Variants in LRGUK observed in about 807,000 individuals in gnomAD.
LRGUK encodes leucine-rich repeat and guanylate kinase domain-containing protein.
In LRGUK, 65 loss-of-function variants were observed where a neutral mutation model predicts 76.0. That is an observed-to-expected ratio of 0.85 (90% CI 0.70 to 1.05). The LOEUF (loss-of-function observed/expected upper bound fraction) is 1.05. LRGUK is among the 50% of genes least tolerant of loss of function. The pLI is 0.00. For synonymous variants in LRGUK, 268 were observed against 265.6 expected (o/e 1.01, Z -0.09); for missense variants, 758 against 732.8 (o/e 1.03, Z -0.40).
At position 134,237,819 on chromosome 7, in the gene LRGUK, A is replaced by G. The variant is rs924825554; in HGVS notation, c.1984-9737A>G. Among the ~76,000 whole-genome samples the G allele has an allele frequency of 5.9e-5, 9 of 152,270 alleles. No homozygotes were observed. The East Asian group carries it at 1.5e-3, about 26-fold the overall frequency. On this transcript the variant is annotated intron_variant, in intron 16 of 19. Coordinates refer to the LRGUK transcript ENST00000285928. ...AAATTCAGTTAGTATTTCCAATTCA[A>G]ATTCAGGACTTTCAAGATTTTTACT...
At chr7:134,142,586 C>G in intron 3 of LRGUK, among the ~76,000 whole-genome samples, 1 of 149,764 alleles carries the variant, frequency 6.7e-6, no homozygotes, top group East Asian at 2.1e-4. Flanking sequence ...CCAACTGAAA[C>G]AAAATTTAAT....
At chr7:134,268,998 T>G (rs1259891869), downstream of LRGUK, among the ~76,000 whole-genome samples, 1 of 152,000 alleles carries the variant, frequency 6.6e-6, no homozygotes, top group Non-Finnish European at 1.5e-5. Flanking sequence ...CCCAAAGTAC[T>G]GGGATTACAG....
At chr7:134,178,683 C>T in intron 10 of LRGUK, 74 bp downstream of exon 10, 3 of 1,152,506 alleles carry the variant, frequency 2.6e-6, no homozygotes, top group Non-Finnish European at 3.7e-6. Context: ...TCCCCTAACC[C>T]CTATTTTGTG....
chr7:134,131,418 T>C (rs1175123148), intron 1 of LRGUK, among the ~76,000 whole-genome samples: 1 of 152,190 alleles, frequency 6.6e-6, no homozygotes, highest in Non-Finnish European at 1.5e-5. Flanking sequence ...GTAGTATGTC[T>C]TACAGAGATG....
chr7:134,199,153 A>G (rs1328095953), intron 13 of LRGUK, 67 bp from the exon 14 acceptor site: 1 of 1,311,276 alleles, frequency 7.6e-7, no homozygotes, highest in Non-Finnish European at 1.1e-6. Flanking sequence ...ATGTTGTCAG[A>G]TGGCTCCAAA....
intron 16 of LRGUK, among the ~76,000 whole-genome samples, chr7:134,226,661 C>T (rs1056511101): frequency 2.0e-5 from 3 of 152,206 alleles, no homozygotes; most frequent in African/African-American, 7.2e-5. Context: ...TTGCCATCTA[C>T]TGGGTAACCT....
intron 16 of LRGUK, among the ~76,000 whole-genome samples, chr7:134,241,480 G>A (rs1334018933): frequency 3.9e-5 from 6 of 152,186 alleles, no homozygotes; most frequent in Admixed American, 2.6e-4. Context: ...AATGGTAAAA[G>A]GATCAATTCA....
rs35701399 is a variant in LRGUK, at chr7:134,159,336, CA to C, written c.795+1195del. On this transcript the variant is annotated intron_variant, in intron 6 of 15. Coordinates refer to ENST00000645682, the Ensembl canonical transcript of LRGUK. ...TGGGCAACAGAGTAAGACCCTGCCT[CA>C]AAAAAAAAAAAAAAAAAGGAAAGAA... Among the ~76,000 whole-genome samples, 473 of 81,450 alleles carry C rather than the reference CA, an allele frequency of 5.8e-3. 2 individuals carry two copies. Among genetic ancestry groups the C allele is most frequent in the East Asian group, 0.024 (83 of 3,514 alleles). The allele number at this position is 81,450 out of a possible 152,430, so 53.4% of individuals were successfully genotyped here. A position where few individuals can be genotyped will look rare whatever the true frequency, so the allele number is the denominator to read the frequency against.
At chr7:134,158,931 C>G (rs1300680588) in intron 6 of LRGUK, among the ~76,000 whole-genome samples, 1 of 152,134 alleles carries the variant, frequency 6.6e-6, no homozygotes, top group Non-Finnish European at 1.5e-5. Context: ...TTTTGCTGTT[C>G]TTCATTACAT....
intron 11 of LRGUK, among the ~76,000 whole-genome samples, chr7:134,186,356 T>A (rs1406219885): frequency 6.6e-6 from 1 of 152,234 alleles, no homozygotes; most frequent in African/African-American, 2.4e-5. Context: ...ATCATGCTTG[T>A]GATTAGTTGA....
intron 11 of LRGUK, among the ~76,000 whole-genome samples, chr7:134,190,747 C>T (rs936994869): frequency 2.0e-5 from 3 of 152,158 alleles, no homozygotes. Context: ...ATTCATTTTA[C>T]AAAAATTTAT....
chr7:134,268,670 T>TA (rs1802903814), downstream of LRGUK, among the ~76,000 whole-genome samples: 1 of 121,044 alleles, frequency 8.3e-6, no homozygotes, highest in South Asian at 2.8e-4. Context: ...TCAGACAATA[T>TA]AAAAAAATAA....
downstream of LRGUK, among the ~76,000 whole-genome samples, chr7:134,214,808 AC>A (rs1801393544): frequency 6.7e-6 from 1 of 149,876 alleles, no homozygotes; most frequent in African/African-American, 2.5e-5. Context: ...ACACACACAC[AC>A]ACACACTTTG....
rs144893258 is a variant in LRGUK, at chr7:134,180,407, T to C, written c.1214+1798T>C. ...GTCTGTTTGGGTAGACCTATCTGTG[T>C]CTATCTATAGATAGATGGATTAAAT... On this transcript the variant is annotated intron_variant, in intron 10 of 15. Coordinates refer to ENST00000645682, the Ensembl canonical transcript of LRGUK. 4.8e-3 allele frequency among the ~76,000 whole-genome samples: 732 copies of C among 152,268 alleles called. 4 individuals are homozygous for C. The highest frequency in any genetic ancestry group is 0.017 in the African/African-American group (700 of 41,542).
chr7:134,172,496 C>T (rs1799297560), intron 7 of LRGUK, among the ~76,000 whole-genome samples: 1 of 152,128 alleles, frequency 6.6e-6, no homozygotes, highest in Non-Finnish European at 1.5e-5. Flanking sequence ...TTAGTATAAA[C>T]CCCTTGAAGT....
chr7:134,142,085 T>C (rs17167485), intron 3 of LRGUK, among the ~76,000 whole-genome samples: 19,700 of 152,120 alleles, frequency 0.13, 1,601 homozygotes, highest in East Asian at 0.32. Flanking sequence ...TCTGTGCCAC[T>C]TGGAGAAAGG....
At chr7:134,139,075 T>A (rs1395435559) in intron 2 of LRGUK, among the ~76,000 whole-genome samples, 1 of 152,200 alleles carries the variant, frequency 6.6e-6, no homozygotes, top group Admixed American at 6.5e-5. Context: ...TTCTAGACAT[T>A]TTTTTCTTCT....
chr7:134,146,284 G>T (rs1337902087), intron 4 of LRGUK, among the ~76,000 whole-genome samples: 1 of 151,074 alleles, frequency 6.6e-6, no homozygotes, highest in Non-Finnish European at 1.5e-5. Context: ...AAAAAAAAAA[G>T]AAACCTAATA....
chr7:134,136,874 A>G, intron 1 of LRGUK, 149 bp from the exon 2 acceptor site: 1 of 611,266 alleles, frequency 1.6e-6, no homozygotes, highest in Non-Finnish European at 2.9e-6. Context: ...ATATGTTATC[A>G]ACACAGAATT....
Sources: gnomAD v4.1 joint callset for allele counts (sites outside exome capture counted in the v4.1 genomes callset) on GRCh38, gnomAD v4.1.1 for gene constraint, MANE v1.5 for transcripts, NCBI Gene and HGNC (gene_info 2026-07-23, HGNC 2026-07-21) for gene names.